RIC1: variants seen among roughly 807,000 people sequenced by gnomAD.
The protein encoded by RIC1 is RIC1 partner of RAB6A GEF complex, also known as guanine nucleotide exchange factor subunit RIC1.
In RIC1, 88 loss-of-function variants were observed where a neutral mutation model predicts 169.0. The ratio of observed to expected loss-of-function variants is 0.52; its 90% CI spans 0.44 to 0.62. The LOEUF (loss-of-function observed/expected upper bound fraction) is 0.62. Among genes scored for constraint, RIC1 ranks in the 20% least tolerant of loss-of-function variants. RIC1 has a pLI of 0.00. For missense variants in RIC1, 1,877 were observed against 1,725.5 expected (o/e 1.09, Z -1.56); for synonymous variants, 790 against 601.5 (o/e 1.31, Z -4.59).
chr9:5,645,865 T>C (rs1020749861), intron 1 of RIC1, among the ~76,000 whole-genome samples: 2 of 152,124 alleles, frequency 1.3e-5, no homozygotes, highest in Admixed American at 6.6e-5. Context: ...TGAACATGGG[T>C]AGACAAATAT....
At chr9:5,755,363 C>T (rs900584176) in intron 15 of RIC1, among the ~76,000 whole-genome samples, 3 of 152,178 alleles carry the variant, frequency 2.0e-5, no homozygotes, top group Non-Finnish European at 2.9e-5. Flanking sequence ...TATCTTTTTT[C>T]CTATACATAC....
At chr9:5,733,408 C>T (rs1317363564) in intron 7 of RIC1, among the ~76,000 whole-genome samples, 3 of 151,810 alleles carry the variant, frequency 2.0e-5, no homozygotes, top group Non-Finnish European at 4.4e-5. Flanking sequence ...GGACTGCAGG[C>T]GCCCACCACC....
chr9:5,692,881 G>T (rs1333654629), intron 3 of RIC1, among the ~76,000 whole-genome samples: 1 of 151,976 alleles, frequency 6.6e-6, no homozygotes, highest in Non-Finnish European at 1.5e-5. Context: ...AATCCCTTTA[G>T]CAACCCTATG....
intron 1 of RIC1, among the ~76,000 whole-genome samples, chr9:5,635,976 C>T (rs901474881): frequency 3.3e-5 from 5 of 152,224 alleles, no homozygotes; most frequent in Non-Finnish European, 5.9e-5. Context: ...AATGGACTAA[C>T]ACACAGGTAA....
chr9:5,681,855 A>C (rs969351449), intron 2 of RIC1, among the ~76,000 whole-genome samples: 7 of 152,142 alleles, frequency 4.6e-5, no homozygotes, highest in African/African-American at 1.7e-4. Flanking sequence ...TATTGGGTGC[A>C]TATATATTTA....
chr9:5,651,101 C>T (rs1041587453), intron 1 of RIC1, among the ~76,000 whole-genome samples: 1 of 152,176 alleles, frequency 6.6e-6, no homozygotes, highest in South Asian at 2.1e-4. Flanking sequence ...AAGAAGTTCT[C>T]TATGCTAGTC....
At chr9:5,629,931 T>G (rs1817637962) in intron 1 of RIC1, among the ~76,000 whole-genome samples, 1 of 152,218 alleles carries the variant, frequency 6.6e-6, no homozygotes. Context: ...TGTAATAACT[T>G]ATTTCTACAA....
chr9:5,650,928 T>C (rs2130400087), intron 1 of RIC1, among the ~76,000 whole-genome samples: 1 of 152,290 alleles, frequency 6.6e-6, no homozygotes, highest in African/African-American at 2.4e-5. Context: ...AGTAGGGCTT[T>C]ACTAATGTGG....
At chr9:5,676,718 C>T (rs1563890015) in intron 2 of RIC1, among the ~76,000 whole-genome samples, 1 of 152,206 alleles carries the variant, frequency 6.6e-6, no homozygotes. Context: ...GAATCCCCAC[C>T]TCTCTCAAAA....
At chr9:5,631,951 T>G (rs746373940) in intron 1 of RIC1, among the ~76,000 whole-genome samples, 1 of 152,206 alleles carries the variant, frequency 6.6e-6, no homozygotes, top group Non-Finnish European at 1.5e-5. Context: ...TCAGTTATAC[T>G]TCCATAATTT....
chr9:5,736,250 T>C (rs1263850713), intron 7 of RIC1, among the ~76,000 whole-genome samples: 1 of 152,184 alleles, frequency 6.6e-6, no homozygotes. Flanking sequence ...TTTGGGCAGG[T>C]AGTCTGGAAA....
intron 1 of RIC1, 47 bp downstream of exon 1, chr9:5,629,500 C>G (rs1037952962): frequency 6.7e-7 from 1 of 1,495,272 alleles, no homozygotes; most frequent in Non-Finnish European, 8.9e-7. Context: ...CCCCGGCCTC[C>G]CGGCGCCGTC....
At chr9:5,743,546 C>G in intron 9 of RIC1, 143 bp from the exon 10 acceptor site, 1 of 662,294 alleles carries the variant, frequency 1.5e-6, no homozygotes, top group Non-Finnish European at 2.6e-6. Context: ...GTGTATTAAC[C>G]CACAGTTTTG....
intron 6 of RIC1, among the ~76,000 whole-genome samples, chr9:5,730,058 C>T (rs1465532179): frequency 2.6e-5 from 4 of 152,024 alleles, no homozygotes; most frequent in Admixed American, 6.6e-5. Context: ...TAATGAAAAG[C>T]AGATGGGCAT....
intron 2 of RIC1, among the ~76,000 whole-genome samples, chr9:5,678,467 G>A (rs1451202969): frequency 6.6e-6 from 1 of 151,924 alleles, no homozygotes; most frequent in South Asian, 2.1e-4. Context: ...CCCACCAACA[G>A]TGTAAAACTG....
chr9:5,754,504 G>A (rs753103284), intron 14 of RIC1, among the ~76,000 whole-genome samples: 1 of 152,112 alleles, frequency 6.6e-6, no homozygotes, highest in Admixed American at 6.5e-5. Context: ...CGAAGCAGGC[G>A]GATCACTTGA....
At chr9:5,738,849 C>T (rs561418373) in intron 8 of RIC1, among the ~76,000 whole-genome samples, 38 of 152,264 alleles carry the variant, frequency 2.5e-4, no homozygotes, top group Middle Eastern at 3.4e-3. Context: ...TGCCCAAGTT[C>T]TACACAAGTC....
intron 8 of RIC1, 94 bp downstream of exon 8, chr9:5,738,632 T>A: frequency 1.4e-6 from 1 of 699,492 alleles, no homozygotes; most frequent in Non-Finnish European, 2.2e-6. Context: ...ACAATACATG[T>A]CATGCTATAG....
chr9:5,637,513 T>C (rs533575225), intron 1 of RIC1, among the ~76,000 whole-genome samples: 47 of 152,382 alleles, frequency 3.1e-4, no homozygotes, highest in African/African-American at 1.1e-3. Flanking sequence ...TAAATTATTT[T>C]GACTGTAGTC....
Sources: allele counts gnomAD v4.1 joint callset (sites outside exome capture counted in the v4.1 genomes callset), GRCh38; gene constraint gnomAD v4.1.1; transcripts MANE v1.5; gene names NCBI Gene and HGNC (gene_info 2026-07-23, HGNC 2026-07-21).